MYRIP: variants seen among roughly 807,000 people sequenced by gnomAD.
MYRIP encodes rab effector MyRIP.
In MYRIP, 49 loss-of-function variants were observed where a neutral mutation model predicts 98.0. The ratio of observed to expected loss-of-function variants is 0.50; its 90% CI spans 0.40 to 0.63. MYRIP has a LOEUF of 0.63. Among genes scored for constraint, MYRIP ranks in the 30% least tolerant of loss-of-function variants. The pLI is 0.00. For missense variants in MYRIP, 1,004 were observed against 1,058.2 expected, an observed-to-expected ratio of 0.95 and a Z score of 0.71; for synonymous variants, 404 against 409.5, an observed-to-expected ratio of 0.99 and a Z score of 0.16.
intron 12 of MYRIP, among the ~76,000 whole-genome samples, chr3:40,236,172 A>G (rs1952818357): frequency 6.6e-6 from 1 of 152,236 alleles, no homozygotes; most frequent in Non-Finnish European, 1.5e-5. Context: ...CCATGGTGTT[A>G]CAATTGCCTA....
intron 3 of MYRIP, among the ~76,000 whole-genome samples, chr3:40,101,388 C>T (rs571866802): frequency 6.6e-6 from 1 of 152,164 alleles, no homozygotes; most frequent in African/African-American, 2.4e-5. Context: ...TAAAACTTCA[C>T]CAATGTCTTT....
At chr3:39,875,761 C>T (rs568452726) in intron 1 of MYRIP, among the ~76,000 whole-genome samples, 1 of 150,146 alleles carries the variant, frequency 6.7e-6, no homozygotes, top group Non-Finnish European at 1.5e-5. Flanking sequence ...TTACTTCCAA[C>T]TATGTGGTCA....
At chr3:40,027,027 A>G (rs1215921093) in intron 2 of MYRIP, among the ~76,000 whole-genome samples, 1 of 152,096 alleles carries the variant, frequency 6.6e-6, no homozygotes, top group African/African-American at 2.4e-5. Context: ...AAGCTCACTT[A>G]GCTGGCCCAG....
intron 3 of MYRIP, among the ~76,000 whole-genome samples, chr3:40,052,597 C>T (rs555455613): frequency 5.3e-5 from 8 of 152,258 alleles, no homozygotes; most frequent in African/African-American, 1.9e-4. Flanking sequence ...ATGGGCACAA[C>T]ATTTTACCAT....
intron 1 of MYRIP, among the ~76,000 whole-genome samples, chr3:39,839,317 G>A (rs1390583946): frequency 2.6e-5 from 4 of 151,840 alleles, no homozygotes; most frequent in African/African-American, 4.8e-5. Flanking sequence ...GAGTGCAGTG[G>A]CATGATCTTG....
chr3:40,023,308 A>C (rs960625226), intron 2 of MYRIP, among the ~76,000 whole-genome samples: 3 of 152,188 alleles, frequency 2.0e-5, no homozygotes, highest in African/African-American at 7.2e-5. Context: ...AGAAAACAGA[A>C]ACCATCTAAA....
At chr3:40,067,799 A>G (rs1378585531) in intron 3 of MYRIP, among the ~76,000 whole-genome samples, 3 of 152,222 alleles carry the variant, frequency 2.0e-5, no homozygotes, top group African/African-American at 7.2e-5. Context: ...TAAGGTGCTT[A>G]TCAGATGCCA....
At chr3:40,065,890 G>A (rs1049485758) in intron 3 of MYRIP, among the ~76,000 whole-genome samples, 9 of 152,144 alleles carry the variant, frequency 5.9e-5, no homozygotes, top group African/African-American at 2.2e-4. Flanking sequence ...CAAATGTGGA[G>A]TTGAAGTCTC....
At chr3:40,058,986 A>G (rs1040141978) in intron 3 of MYRIP, among the ~76,000 whole-genome samples, 2 of 116,466 alleles carry the variant, frequency 1.7e-5, no homozygotes, top group Admixed American at 1.3e-4. Context: ...CCCTGTGTCC[A>G]TGTGTTCTCA....
At chr3:39,959,412 C>T (rs1008147592) in intron 2 of MYRIP, among the ~76,000 whole-genome samples, 2 of 152,060 alleles carry the variant, frequency 1.3e-5, no homozygotes, top group Non-Finnish European at 2.9e-5. Flanking sequence ...TCTCAGCAAA[C>T]TATCGCAGGG....
chr3:39,847,285 C>G (rs76331633), intron 1 of MYRIP, among the ~76,000 whole-genome samples: 148 of 152,294 alleles, frequency 9.7e-4, no homozygotes, highest in African/African-American at 3.2e-3. Context: ...ATGATGTTCA[C>G]TCTTGTGTAT....
intron 1 of MYRIP, among the ~76,000 whole-genome samples, chr3:39,864,718 T>C (rs1331940530): frequency 2.0e-5 from 3 of 152,150 alleles, no homozygotes; most frequent in African/African-American, 7.2e-5. Context: ...AAAGTGGCCA[T>C]ACTGCCCAAA....
chr3:40,088,748 G>C (rs538244276), intron 3 of MYRIP, among the ~76,000 whole-genome samples: 1 of 152,344 alleles, frequency 6.6e-6, no homozygotes, highest in South Asian at 2.1e-4. Context: ...AGCCCCCAGA[G>C]GGCTTTCTCA....
At position 40,170,647 on chromosome 3, in the gene MYRIP, T is replaced by C. The variant is rs556620237; in HGVS notation, c.873+554T>C. 2.0e-5 allele frequency among the ~76,000 whole-genome samples: 3 copies of C among 152,352 alleles called. No homozygotes were observed. The South Asian group carries it at 6.2e-4, about 32-fold the overall frequency. ...CTGTCTGCAGTAGAGTTGCTGAGTCTGTCACATCCTTTGTTACTGGTTTGA... is the reference window on the plus strand; with the variant it reads ...CTGTCTGCAGTAGAGTTGCTGAGTCCGTCACATCCTTTGTTACTGGTTTGA... On this transcript the variant is annotated intron_variant, in intron 8 of 16. Coordinates refer to ENST00000302541, the MANE Select transcript of MYRIP (RefSeq NM_015460.4).
intron 3 of MYRIP, among the ~76,000 whole-genome samples, chr3:40,075,311 C>T (rs923450155): frequency 2.0e-5 from 3 of 152,150 alleles, no homozygotes; most frequent in African/African-American, 7.2e-5. Flanking sequence ...CTTATTAAAG[C>T]ATTGTTTCTA....
chr3:39,840,556 T>A (rs1184853114), intron 1 of MYRIP, among the ~76,000 whole-genome samples: 2 of 152,216 alleles, frequency 1.3e-5, no homozygotes, highest in African/African-American at 4.8e-5. Context: ...TTGATGTAGT[T>A]TTTTCATAGT....
At chr3:39,888,006 C>T (rs1253263888) in intron 1 of MYRIP, among the ~76,000 whole-genome samples, 3 of 150,742 alleles carry the variant, frequency 2.0e-5, no homozygotes, top group African/African-American at 7.4e-5. Context: ...GAACTACAAA[C>T]CACTGCTCAA....
intron 3 of MYRIP, among the ~76,000 whole-genome samples, chr3:40,067,530 G>T (rs189590710): frequency 1.3e-5 from 2 of 152,168 alleles, no homozygotes; most frequent in African/African-American, 4.8e-5. Context: ...TACCAGGAGG[G>T]TTCTGTTGAG....
At chr3:40,033,977 T>C (rs1400147228) in intron 2 of MYRIP, among the ~76,000 whole-genome samples, 1 of 152,066 alleles carries the variant, frequency 6.6e-6, no homozygotes, top group African/African-American at 2.4e-5. Flanking sequence ...GGGGAAAGGA[T>C]TCCCTATTTA....
Sources: gnomAD v4.1 joint callset for allele counts (sites outside exome capture counted in the v4.1 genomes callset) on GRCh38, gnomAD v4.1.1 for gene constraint, MANE v1.5 for transcripts, NCBI Gene and HGNC (gene_info 2026-07-23, HGNC 2026-07-21) for gene names.